Variants in SEMA3A observed in about 807,000 individuals in gnomAD.
SEMA3A encodes semaphorin 3A, also known as semaphorin-3A.
A neutral mutation model predicts 97.9 loss-of-function variants in SEMA3A; 29 were observed. That is an observed-to-expected ratio of 0.30 (90% CI 0.22 to 0.40). The LOEUF (loss-of-function observed/expected upper bound fraction) is 0.40, where lower values mean the gene tolerates loss of function less well. Among genes scored for constraint, SEMA3A ranks in the 10% least tolerant of loss-of-function variants. The pLI is 1.00. For missense variants in SEMA3A, 763 were observed against 951.3 expected (o/e 0.80, Z 2.60); for synonymous variants, 321 against 323.7 (o/e 0.99, Z 0.09).
chr7:84,448,468 C>T (rs1290354520), intron 1 of SEMA3A, among the ~76,000 whole-genome samples: 1 of 151,878 alleles, frequency 6.6e-6, no homozygotes, highest in Non-Finnish European at 1.5e-5. Flanking sequence ...AAAGACAACA[C>T]TTTAAAAATT....
chr7:84,376,559 G>A lies in SEMA3A; in HGVS notation c.-245-4659C>T, dbSNP rs111946424. Among the ~76,000 whole-genome samples the A allele has an allele frequency of 1.7e-4, 17 of 97,980 alleles. 1 individual carries two copies. The highest frequency in any genetic ancestry group is 1.4e-3 in the Admixed American group (10 of 7,128). 64.3% of individuals were successfully genotyped at this position (97,980 alleles called of 152,430 possible). On this transcript the variant is annotated intron_variant, in intron 1 of 3. Coordinates refer to the SEMA3A transcript ENST00000424555. ...GCGGAGCTTGCAGTGAGCCGAGATC[G>A]CGCCACTGCACTCCAGCCTGGGCGA...
At chr7:84,452,065 CTTG>C (rs1253555722) in intron 1 of SEMA3A, among the ~76,000 whole-genome samples, 2 of 152,026 alleles carry the variant, frequency 1.3e-5, no homozygotes, top group African/African-American at 4.8e-5. Context: ...CCTCTCTTTG[CTTG>C]TTACTTATTT....
chr7:84,185,764 A>C (rs1797862920), intron 1 of SEMA3A, among the ~76,000 whole-genome samples: 1 of 150,128 alleles, frequency 6.7e-6, no homozygotes, highest in Admixed American at 6.6e-5. Context: ...CATCATTATA[A>C]ATCATTTTAT....
chr7:84,051,416 G>A (rs1792646839), intron 5 of SEMA3A, among the ~76,000 whole-genome samples: 1 of 152,086 alleles, frequency 6.6e-6, no homozygotes, highest in Admixed American at 6.6e-5. Flanking sequence ...TCCTTAAAGA[G>A]GTCCTTCACA....
intron 1 of SEMA3A, among the ~76,000 whole-genome samples, chr7:84,449,036 T>C (rs1469155718): frequency 6.6e-6 from 1 of 152,110 alleles, no homozygotes; most frequent in African/African-American, 2.4e-5. Context: ...GCCAAGACCA[T>C]TCAAGGGAGA....
intron 3 of SEMA3A, among the ~76,000 whole-genome samples, chr7:84,217,782 C>CCTCAGGGTG (rs1244495583): frequency 2.0e-5 from 3 of 151,534 alleles, no homozygotes; most frequent in Non-Finnish European, 4.4e-5. Flanking sequence ...AAAAAATTAT[C>CCTCAGGGTG]CTCAGGCTGC....
At chr7:84,067,630 C>T (rs1411684692) in intron 4 of SEMA3A, among the ~76,000 whole-genome samples, 5 of 152,288 alleles carry the variant, frequency 3.3e-5, no homozygotes, top group African/African-American at 1.2e-4. Flanking sequence ...ACAGACACTT[C>T]TCAAAAGAAG....
chr7:84,209,670 AT>A (rs1197995982), intron 3 of SEMA3A, among the ~76,000 whole-genome samples: 1 of 152,192 alleles, frequency 6.6e-6, no homozygotes, highest in Non-Finnish European at 1.5e-5. Flanking sequence ...AATGGTTCAT[AT>A]TTCTTCATGT....
intron 4 of SEMA3A, among the ~76,000 whole-genome samples, chr7:84,084,584 G>T (rs1794272222): frequency 6.6e-6 from 1 of 151,912 alleles, no homozygotes; most frequent in Non-Finnish European, 1.5e-5. Flanking sequence ...TCACTCCAAT[G>T]TTCCATAACA....
intron 6 of SEMA3A, among the ~76,000 whole-genome samples, chr7:84,046,101 C>T (rs2115582280): frequency 6.6e-6 from 1 of 152,064 alleles, no homozygotes; most frequent in Middle Eastern, 3.4e-3. Flanking sequence ...TAGCTAACTA[C>T]TGAGAAACTT....
At chr7:84,151,424 C>T (rs1400058307) in intron 1 of SEMA3A, among the ~76,000 whole-genome samples, 3 of 151,470 alleles carry the variant, frequency 2.0e-5, no homozygotes, top group African/African-American at 4.9e-5. Context: ...AACCAAGGCT[C>T]GAGAACTACA....
chr7:84,073,775 C>G (rs1793834632), intron 4 of SEMA3A, among the ~76,000 whole-genome samples: 1 of 150,518 alleles, frequency 6.6e-6, no homozygotes, highest in South Asian at 2.1e-4. Flanking sequence ...TTGGTCAAGT[C>G]ACTTAGCTTC....
intron 10 of SEMA3A, among the ~76,000 whole-genome samples, chr7:84,006,962 G>C (rs1037454540): frequency 6.6e-6 from 1 of 151,804 alleles, no homozygotes; most frequent in Non-Finnish European, 1.5e-5. Context: ...ATAAAATTAA[G>C]GTTATAGAAA....
chr7:84,203,589 T>C (rs1798414885), intron 3 of SEMA3A, among the ~76,000 whole-genome samples: 1 of 137,066 alleles, frequency 7.3e-6, no homozygotes, highest in South Asian at 2.5e-4. Context: ...TGGAGTGCAA[T>C]GACACAATCT....
chr7:84,306,825 A>G (rs992941386), intron 3 of SEMA3A, among the ~76,000 whole-genome samples: 12 of 152,134 alleles, frequency 7.9e-5, no homozygotes, highest in African/African-American at 2.9e-4. Flanking sequence ...CAATAAATGT[A>G]GAAGGAGCAG....
intron 4 of SEMA3A, among the ~76,000 whole-genome samples, chr7:84,091,191 A>AAGAAAGAAGGAAGGAAGGAAGGAAG (rs1794576476): frequency 1.3e-5 from 1 of 75,304 alleles, no homozygotes; most frequent in African/African-American, 4.7e-5. Context: ...AAAGAAAGAA[A>AAGAAAGAAGGAAGGAAGGAAGGAAG]GAAAGAAAGA....
At position 84,005,488 on chromosome 7, in the gene SEMA3A, C is replaced by T; in HGVS notation, c.1211G>A (p.Arg404Lys). 1 of 1,614,012 alleles carries T rather than the reference C, an allele frequency of 6.2e-7. No homozygotes were observed. The highest frequency in any genetic ancestry group is 8.5e-7 in the Non-Finnish European group (1 of 1,179,968). Residue 404 changes from arginine to lysine, a missense_variant, in exon 11 of 17, where the codon AGA (arginine) becomes AAA (lysine). This residue lies in a region of SEMA3A where 678 missense variants were observed against 881.3 expected (regional missense o/e 0.77). Transcript: ENST00000265362. ...TGGATTGTACATGGCTGGATGACTT[C>T]TTGCAAAGGTTATAACATCATCAGG... ...DLPDDVITFARSHPAMYNPVF... is the reference protein window; with the variant it reads ...DLPDDVITFAKSHPAMYNPVF...
rs564536464 is a variant in SEMA3A, at chr7:83,994,825, G to C, written c.1452+7130C>G. ...CCTACAGAGGCAGGCAGGCCTCCTTGAGCTGTGGTGGGCTCCACCCAGTTG... is the reference window on the plus strand; with the variant it reads ...CCTACAGAGGCAGGCAGGCCTCCTTCAGCTGTGGTGGGCTCCACCCAGTTG... On this transcript the variant is annotated intron_variant, in intron 12 of 16. Transcript: ENST00000265362. Among the ~76,000 whole-genome samples the C allele has an allele frequency of 4.2e-3, 642 of 152,102 alleles. 5 individuals carry two copies. The highest frequency in any genetic ancestry group is 0.015 in the African/African-American group (610 of 41,536).
At chr7:84,247,301 G>A (rs1799497490) in intron 3 of SEMA3A, among the ~76,000 whole-genome samples, 1 of 152,056 alleles carries the variant, frequency 6.6e-6, no homozygotes, top group Non-Finnish European at 1.5e-5. Context: ...CCACTTCACA[G>A]AATATGTATA....
Sources: allele counts gnomAD v4.1 joint callset (sites outside exome capture counted in the v4.1 genomes callset), GRCh38; gene constraint gnomAD v4.1.1; regional missense constraint gnomAD v4.1.1; transcripts MANE v1.5; gene names NCBI Gene and HGNC (gene_info 2026-07-23, HGNC 2026-07-21).